Variants in EPB41L4A observed in about 807,000 individuals in gnomAD.
The protein encoded by EPB41L4A is band 4.1-like protein 4A.
EPB41L4A carries 100 observed loss-of-function variants against 108.6 expected under a neutral mutation model. That is an observed-to-expected ratio of 0.92 (90% CI 0.78 to 1.09). EPB41L4A has a LOEUF of 1.09. Among genes scored for constraint, EPB41L4A ranks in the 50% least tolerant of loss-of-function variants. The pLI is 0.00. For missense variants in EPB41L4A, 1,030 were observed against 842.7 expected (o/e 1.22, Z -2.75); for synonymous variants, 319 against 289.0 (o/e 1.10, Z -1.05).
chr5:112,231,791 C>CA (rs777370941), intron 12 of EPB41L4A, among the ~76,000 whole-genome samples: 2,034 of 37,334 alleles, frequency 0.054, 140 homozygotes, highest in East Asian at 0.11. Flanking sequence ...GACTCCGTCT[C>CA]AAAAAAAAAA....
chr5:112,225,702 T>C lies in EPB41L4A; in HGVS notation c.1087+8932A>G, dbSNP rs140417550. Among the ~76,000 whole-genome samples, 4 of 152,366 alleles carry C rather than the reference T, an allele frequency of 2.6e-5. No homozygotes were observed. In the East Asian group the frequency reaches 7.7e-4, roughly 29 times the overall value. ...TTCCCACCCAATTTGTCTTTGTATA[T>C]AATGGTAACACATTAAATACTACCG... is the stretch of plus-strand genomic sequence containing the variant. On this transcript the variant is annotated intron_variant, in intron 12 of 22. Coordinates refer to ENST00000261486, the MANE Select transcript of EPB41L4A (RefSeq NM_022140.5).
chr5:112,292,810 A>G (rs1412446318), intron 2 of EPB41L4A, among the ~76,000 whole-genome samples: 1 of 152,176 alleles, frequency 6.6e-6, no homozygotes, highest in South Asian at 2.1e-4. Context: ...TTAAAAAAAA[A>G]CTAGTTTTCT....
intron 1 of EPB41L4A, among the ~76,000 whole-genome samples, chr5:112,414,281 G>A (rs1260863345): frequency 2.0e-5 from 3 of 151,996 alleles, no homozygotes; most frequent in Non-Finnish European, 4.4e-5. Context: ...GGGGAAAAAA[G>A]AAAAAATAGA....
At chr5:112,217,453 C>T (rs1340320891) in intron 12 of EPB41L4A, among the ~76,000 whole-genome samples, 1 of 152,154 alleles carries the variant, frequency 6.6e-6, no homozygotes, top group Non-Finnish European at 1.5e-5. Flanking sequence ...AATCCCAGCA[C>T]TTTGGGAAGA....
Position 112,418,924 on chromosome 5 carries a change from C to T in EPB41L4A, c.99+17G>A. ...CCCTGCCGCCAACCCCCGGAACGCG[C>T]TCCGGGCCGCACCCACCTTGATGCC... On this transcript the variant is annotated intron_variant, in intron 1 of 22. Coordinates refer to ENST00000261486, the MANE Select transcript of EPB41L4A (RefSeq NM_022140.5). The T allele has an allele frequency of 6.2e-7, 1 of 1,605,006 alleles. No homozygotes were observed. The highest frequency in any genetic ancestry group is 8.5e-7 in the Non-Finnish European group (1 of 1,172,518).
chr5:112,356,251 C>A (rs1758351916), intron 1 of EPB41L4A, among the ~76,000 whole-genome samples: 2 of 152,138 alleles, frequency 1.3e-5, no homozygotes. Context: ...CCCCTCCCTA[C>A]CACAACAGAA....
At chr5:112,253,212 T>C (rs1041290028) in intron 9 of EPB41L4A, among the ~76,000 whole-genome samples, 1 of 152,140 alleles carries the variant, frequency 6.6e-6, no homozygotes, top group Non-Finnish European at 1.5e-5. Context: ...GTGATCAAAC[T>C]TGACAGCCAA....
chr5:112,342,053 A>C (rs1248170213), intron 1 of EPB41L4A, among the ~76,000 whole-genome samples: 4 of 152,182 alleles, frequency 2.6e-5, no homozygotes. Context: ...ACATTATGCA[A>C]CTAGAAACTG....
chr5:112,185,164 C>A (rs1761365128), intron 17 of EPB41L4A, among the ~76,000 whole-genome samples: 1 of 150,552 alleles, frequency 6.6e-6, no homozygotes, highest in Admixed American at 6.6e-5. Flanking sequence ...GTAAGCTCTT[C>A]AGAAAACTGC....
chr5:112,360,089 G>C lies in EPB41L4A; in HGVS notation c.100-52599C>G, dbSNP rs370803037. 2.0e-5 allele frequency among the ~76,000 whole-genome samples: 3 copies of C among 152,296 alleles called. No homozygotes were observed. In the East Asian group the frequency reaches 5.8e-4, roughly 29 times the overall value. On this transcript the variant is annotated intron_variant, in intron 1 of 22. Transcript: ENST00000261486. ...AGGCCAAGCATGGTGGCTCATGCCTGTAACCCCAGCTACAGATTCAATAGG... is the reference window on the plus strand; with the variant it reads ...AGGCCAAGCATGGTGGCTCATGCCTCTAACCCCAGCTACAGATTCAATAGG...
chr5:112,365,035 T>C (rs1437020939), intron 1 of EPB41L4A, among the ~76,000 whole-genome samples: 1 of 152,226 alleles, frequency 6.6e-6, no homozygotes, highest in African/African-American at 2.4e-5. Flanking sequence ...GAACCTTGCC[T>C]GTCTTGTTTG....
intron 1 of EPB41L4A, among the ~76,000 whole-genome samples, chr5:112,340,023 C>A (rs1757208486): frequency 1.3e-5 from 2 of 152,088 alleles, no homozygotes; most frequent in Admixed American, 1.3e-4. Context: ...GAACAGAGAA[C>A]CAGAACTCCC....
At chr5:112,296,098 G>C (rs919216083) in intron 2 of EPB41L4A, among the ~76,000 whole-genome samples, 2 of 152,250 alleles carry the variant, frequency 1.3e-5, no homozygotes, top group Non-Finnish European at 1.5e-5. Context: ...TTTTATGTTG[G>C]AGACTTTCCA....
intron 12 of EPB41L4A, among the ~76,000 whole-genome samples, chr5:112,156,711 T>G (rs1351765487): frequency 6.6e-6 from 1 of 152,198 alleles, no homozygotes; most frequent in Admixed American, 6.5e-5. Context: ...CATTTTCATA[T>G]AGATGTCAAC....
At chr5:112,371,078 G>C (rs911200237) in intron 1 of EPB41L4A, among the ~76,000 whole-genome samples, 15 of 152,148 alleles carry the variant, frequency 9.9e-5, no homozygotes, top group African/African-American at 3.4e-4. Flanking sequence ...TAAAAGACAA[G>C]CTTCCCATAT....
At chr5:112,280,760 T>C (rs1313450591) in intron 2 of EPB41L4A, among the ~76,000 whole-genome samples, 1 of 152,202 alleles carries the variant, frequency 6.6e-6, no homozygotes, top group East Asian at 1.9e-4. Flanking sequence ...GACATCCAAA[T>C]GCTTACAAGT....
At chr5:112,346,229 T>C (rs1327998499) in intron 1 of EPB41L4A, among the ~76,000 whole-genome samples, 1 of 109,958 alleles carries the variant, frequency 9.1e-6, no homozygotes, top group African/African-American at 4.9e-5. Context: ...TTTTTTTTTT[T>C]TTTTTTTTTT....
chr5:112,371,820 C>T (rs1759516307), intron 1 of EPB41L4A, among the ~76,000 whole-genome samples: 1 of 152,100 alleles, frequency 6.6e-6, no homozygotes, highest in Non-Finnish European at 1.5e-5. Context: ...AACAAAAGAA[C>T]TCAACAATGC....
chr5:112,172,258 C>T (rs1337496913), intron 18 of EPB41L4A, among the ~76,000 whole-genome samples: 3 of 152,132 alleles, frequency 2.0e-5, no homozygotes, highest in East Asian at 1.9e-4. Context: ...AGCCTGTAAT[C>T]CCAGCACTTT....
Sources: gnomAD v4.1 joint callset for allele counts (sites outside exome capture counted in the v4.1 genomes callset) on GRCh38, gnomAD v4.1.1 for gene constraint, MANE v1.5 for transcripts, NCBI Gene and HGNC (gene_info 2026-07-23, HGNC 2026-07-21) for gene names.